The following KDM5B variants were observed in gnomAD, a reference collection of about 807,000 sequenced individuals.
KDM5B encodes lysine demethylase 5B.
KDM5B carries 144 observed loss-of-function variants against 193.4 expected under a neutral mutation model. That is an observed-to-expected ratio of 0.74 (90% confidence interval 0.65 to 0.86). KDM5B has a LOEUF of 0.86. Ranked by LOEUF, KDM5B falls within the 40% of genes least tolerant of loss-of-function variation. The pLI is 0.00. For missense variants in KDM5B, 1,833 were observed against 1,886.9 expected, an observed-to-expected ratio of 0.97 and a Z score of 0.53; for synonymous variants, 668 against 682.6, an observed-to-expected ratio of 0.98 and a Z score of 0.33.
At chr1:202,771,891 T>C (rs934025736) in intron 4 of KDM5B, among the ~76,000 whole-genome samples, 2 of 152,128 alleles carry the variant, frequency 1.3e-5, no homozygotes, top group Non-Finnish European at 2.9e-5. Flanking sequence ...ACATTCAACA[T>C]TCTAAACAAT....
intron 20 of KDM5B, among the ~76,000 whole-genome samples, chr1:202,738,429 A>C (rs1206590750): frequency 6.6e-6 from 1 of 152,180 alleles, no homozygotes; most frequent in Non-Finnish European, 1.5e-5. Flanking sequence ...CTCATTAACA[A>C]AGTTTATGTC....
Position 202,746,417 on chromosome 1 carries a change from A to G in KDM5B, c.2017-94T>C, listed in dbSNP as rs866516122. 5.9e-5 allele frequency: 46 copies of G among 782,090 alleles called. No homozygotes were observed. In the African/African-American group the frequency reaches 7.0e-4, roughly 12 times the overall value. 48.4% of individuals were successfully genotyped at this position (782,090 alleles called of 1,614,324 possible). On this transcript the variant is annotated intron_variant, in intron 14 of 26. Coordinates refer to ENST00000367265, the MANE Select transcript of KDM5B (RefSeq NM_006618.5). ...CAGTAGTACTTGAGTCTGAAAAAAA[A>G]AAAAAAGCTTTACCAAAATAGGGAT...
chr1:202,756,287 A>G lies in KDM5B; in HGVS notation c.1356+71T>C, dbSNP rs558511462. 4.4e-5 allele frequency: 56 copies of G among 1,274,242 alleles called. No individual in the cohort carries two copies. In the Admixed American group the frequency reaches 8.4e-4, roughly 19 times the overall value. 78.9% of individuals were successfully genotyped at this position (1,274,242 alleles called of 1,614,324 possible). The stretch of plus-strand genomic sequence containing the variant: ...AATTAAGGATTTGCTAAAAGTAATC[A>G]TAAGTTACTTCAAGCCAACCAAACA... On this transcript the variant is annotated intron_variant, in intron 10 of 26. Transcript: ENST00000367265.
intron 10 of KDM5B, among the ~76,000 whole-genome samples, chr1:202,755,859 T>C (rs1348989108): frequency 6.6e-6 from 1 of 152,118 alleles, no homozygotes; most frequent in Non-Finnish European, 1.5e-5. Flanking sequence ...GAATATCCTA[T>C]TTCTTGTTTT....
chr1:202,729,924 A>G lies in KDM5B; in HGVS notation c.4280T>C (p.Val1427Ala). The G allele has an allele frequency of 1.2e-6, 2 of 1,613,180 alleles. No individual in the cohort carries two copies. The highest frequency in any genetic ancestry group is 1.7e-6 in the Non-Finnish European group (2 of 1,179,718). The change falls in exon 26 of 27, where the codon GTT becomes GCT. Residue 1427 changes from valine (V) to alanine (A), a missense_variant. Physicochemically the swap from Val to Ala is moderately conservative, Grantham distance 64. Around this residue, in one of 3 missense-constraint regions of KDM5B, gnomAD observed 1,379 missense variants for 1,349.6 expected, o/e 1.02. Transcript: ENST00000367265. ...CTTTTTGGGGGTCCGCATTTTCTTA[A>G]CTCGTTCCCACCGCTCACTGGAGAG... ...EGLSSERWER[V>A]KKMRTPKKKK...
At chr1:202,800,784 T>C (rs886851673) in intron 1 of KDM5B, among the ~76,000 whole-genome samples, 9 of 152,138 alleles carry the variant, frequency 5.9e-5, no homozygotes, top group African/African-American at 1.7e-4. Flanking sequence ...GATAAAGAAA[T>C]GAAGTGATGT....
At chr1:202,739,681 T>C (rs1655231418) in intron 20 of KDM5B, among the ~76,000 whole-genome samples, 1 of 152,162 alleles carries the variant, frequency 6.6e-6, no homozygotes, top group African/African-American at 2.4e-5. Context: ...TGATTCTTAA[T>C]GAGCATGCTG....
Position 202,729,737 on chromosome 1 carries a change from A to C in KDM5B, c.4467T>G (p.Ala1489=). 6.2e-7 allele frequency: 1 copy of C among 1,614,054 alleles called. No homozygotes were observed. Among genetic ancestry groups the C allele is most frequent in the South Asian group, 1.1e-5 (1 of 91,072 alleles). Residue 1489 remains alanine, a synonymous_variant, in exon 26 of 27, where the codon GCT becomes GCG. Coordinates refer to ENST00000367265, the MANE Select transcript of KDM5B (RefSeq NM_006618.5). ...CTCCTTCTGGCTGCAGGCAGCTCAC[A>C]GCTGGGCAGATGGCATCTTCATCCT... ...DSEDEDAICP[A]VSCLQPEGDE...
At chr1:202,758,354 T>C (rs747648429) in intron 9 of KDM5B, 37 bp downstream of exon 9, 9 of 1,524,604 alleles carry the variant, frequency 5.9e-6, no homozygotes, top group Middle Eastern at 3.5e-4. Flanking sequence ...CCAAAAGCTA[T>C]TAAAATCCTA....
chr1:202,759,681 A>G (rs1453079805), intron 8 of KDM5B, among the ~76,000 whole-genome samples: 1 of 152,202 alleles, frequency 6.6e-6, no homozygotes, highest in Non-Finnish European at 1.5e-5. Flanking sequence ...AAATGAAAAA[A>G]GCAGATTACT....
At position 202,729,824 on chromosome 1, in the gene KDM5B, A is replaced by C; in HGVS notation, c.4380T>G (p.Val1460=). The C allele has an allele frequency of 6.2e-7, 1 of 1,614,158 alleles. No homozygotes were observed. Among genetic ancestry groups the C allele is most frequent in the Non-Finnish European group, 8.5e-7 (1 of 1,180,000 alleles). The part of the protein sequence containing the change: ...KLERERSYEL[V]RSAETHSLPS... ...GCAGGGAATGAGTTTCAGCAGAACGAACTAATTCATAGCTACGCTCTCTCT... is the reference window on the plus strand; with the variant it reads ...GCAGGGAATGAGTTTCAGCAGAACGCACTAATTCATAGCTACGCTCTCTCT... Residue 1460 remains valine, a synonymous_variant, in exon 26 of 27, where the codon GTT becomes GTG. Transcript: ENST00000367265.
chr1:202,739,089 A>G (rs1205763817), intron 20 of KDM5B, among the ~76,000 whole-genome samples: 1 of 152,200 alleles, frequency 6.6e-6, no homozygotes. Context: ...AACTAGATTC[A>G]CTGAATTTGC....
chr1:202,808,162 G>T lies in KDM5B; in HGVS notation c.144C>A (p.Phe48Leu). 1 of 1,613,240 alleles carries T rather than the reference G, an allele frequency of 6.2e-7. No individual in the cohort carries two copies. Among genetic ancestry groups the T allele is most frequent in the Non-Finnish European group, 8.5e-7 (1 of 1,179,594 alleles). Reference sequence around the variant, plus strand: ...CGGCTATGGGCCGGATCTTGTGGATGAAAGCGAAGGGGTCCGCGAACTCTT... The same window carrying T: ...CGGCTATGGGCCGGATCTTGTGGATTAAAGCGAAGGGGTCCGCGAACTCTT... Reference protein sequence around the residue: ...SWEEFADPFAFIHKIRPIAEQ... With the variant: ...SWEEFADPFALIHKIRPIAEQ... Residue 48 changes from phenylalanine (F) to leucine (L), a missense_variant, in exon 1 of 27, where the codon TTC becomes TTA. Physicochemically the swap from Phe to Leu is conservative, Grantham distance 22 (BLOSUM62 0). This residue lies in a region of KDM5B where 355 missense variants were observed against 374.9 expected (regional missense o/e 0.95). Coordinates refer to ENST00000367265, the MANE Select transcript of KDM5B (RefSeq NM_006618.5).
chr1:202,794,654 T>C (rs1416749508), intron 1 of KDM5B, among the ~76,000 whole-genome samples: 1 of 152,174 alleles, frequency 6.6e-6, no homozygotes, highest in African/African-American at 2.4e-5. Context: ...TTAATACATT[T>C]AGAAAGCAGT....
At chr1:202,773,319 T>C (rs1228065711) in intron 3 of KDM5B, 31 bp from the exon 4 acceptor site, 3 of 1,591,908 alleles carry the variant, frequency 1.9e-6, no homozygotes, top group Admixed American at 1.7e-5. Context: ...GAAACAACTA[T>C]ATGGAAGTCA....
chr1:202,782,921 G>A (rs1005603264), intron 1 of KDM5B, among the ~76,000 whole-genome samples: 1 of 152,142 alleles, frequency 6.6e-6, no homozygotes, highest in Non-Finnish European at 1.5e-5. Flanking sequence ...GAGGCCAAAA[G>A]GGGGAGGACT....
rs911803272 is a variant in KDM5B at position 202,779,478 on chromosome 1, C to CA, written c.205-2385dup. Among the ~76,000 whole-genome samples the CA allele has an allele frequency of 7.2e-4, 96 of 133,526 alleles. 1 individual carries two copies. Among genetic ancestry groups the CA allele is most frequent in the Middle Eastern group, 8.3e-3 (2 of 242 alleles). The allele number at this position is 133,526 out of a possible 152,430, so 87.6% of individuals were successfully genotyped here. On this transcript the variant is annotated intron_variant, in intron 1 of 26. Coordinates refer to ENST00000367265, the MANE Select transcript of KDM5B (RefSeq NM_006618.5). ...TGGGTGACAGAGCGAGACTCCGTCTCAAAAAAAAAAAGAAAAAAAAGAAAA... is the reference window on the plus strand; with the variant it reads ...TGGGTGACAGAGCGAGACTCCGTCTCAAAAAAAAAAAAGAAAAAAAAGAAAA...
chr1:202,767,684 A>G (rs2102285161), intron 4 of KDM5B, among the ~76,000 whole-genome samples: 1 of 152,276 alleles, frequency 6.6e-6, no homozygotes, highest in South Asian at 2.1e-4. Context: ...ACATACATCT[A>G]TACAGGTTTA....
At chr1:202,790,215 A>G (rs959333826) in intron 1 of KDM5B, among the ~76,000 whole-genome samples, 1 of 151,762 alleles carries the variant, frequency 6.6e-6, no homozygotes, top group Non-Finnish European at 1.5e-5. Context: ...GTAAGCCGAG[A>G]TCACGCCACT....
Sources: gnomAD v4.1 joint callset for allele counts (sites outside exome capture counted in the v4.1 genomes callset) on GRCh38, gnomAD v4.1.1 for gene constraint, gnomAD v4.1.1 regional missense constraint, MANE v1.5 for transcripts, NCBI Gene and HGNC (gene_info 2026-07-23, HGNC 2026-07-21) for gene names.